JDP2: variants seen among roughly 807,000 people sequenced by gnomAD.
The protein encoded by JDP2 is progesterone receptor co-activator.
JDP2 carries 9 observed loss-of-function variants against 17.1 expected under a neutral mutation model. The observed-to-expected ratio is 0.53, with a 90% CI of 0.32 to 0.92. The LOEUF is 0.92. JDP2 is among the 40% of genes least tolerant of loss of function. JDP2 has a pLI of 0.04. For synonymous variants in JDP2, 107 were observed against 95.6 expected (o/e 1.12, Z -0.69); for missense variants, 179 against 220.0 (o/e 0.81, Z 1.18).
chr14:75,430,135 C>T lies in JDP2; in HGVS notation c.-24+1883C>T, dbSNP rs1427806469. Among the ~76,000 whole-genome samples the T allele has an allele frequency of 2.0e-5, 3 of 152,206 alleles. No individual in the cohort carries two copies. In the East Asian group the frequency reaches 5.8e-4, roughly 29 times the overall value. On this transcript the variant is annotated intron_variant, in intron 1 of 3. Transcript: ENST00000651602. This position sits in a 1 kb window ranked among gnomAD's most constrained non-coding sequence, Gnocchi z 4.5. ...CCTGGGTTTGTTGTCATCTCCCTAC[C>T]TGTTTGTAGGATGTGTGGGCATTTT... is the stretch of plus-strand genomic sequence containing the variant.
At chr14:75,437,285 C>CA (rs1566735813) in intron 1 of JDP2, among the ~76,000 whole-genome samples, 1 of 151,992 alleles carries the variant, frequency 6.6e-6, no homozygotes, top group East Asian at 1.9e-4. Context: ...TCATAGATAG[C>CA]ACACACACTC....
chr14:75,428,010 G>A (rs1349468407), upstream of JDP2: 1 of 150,012 alleles, frequency 6.7e-6, no homozygotes. The surrounding 1 kb of genome is among the most constrained non-coding windows in gnomAD (Gnocchi z 5.6). Context: ...CGGGGCTGAT[G>A]CAACCCGTCC....
chr14:75,463,378 A>T (rs193033225), intron 3 of JDP2, among the ~76,000 whole-genome samples: 6 of 152,326 alleles, frequency 3.9e-5, no homozygotes, highest in Non-Finnish European at 7.3e-5. Context: ...GCTTGGATGT[A>T]TTCATCCTTT....
At chr14:75,441,401 G>T (rs1015190687) in intron 2 of JDP2, among the ~76,000 whole-genome samples, 1 of 152,194 alleles carries the variant, frequency 6.6e-6, no homozygotes, top group African/African-American at 2.4e-5. Flanking sequence ...CTGCTTGCCT[G>T]CAGTCCCTTT....
At chr14:75,441,516 C>T (rs996483842) in intron 2 of JDP2, among the ~76,000 whole-genome samples, 7 of 152,086 alleles carry the variant, frequency 4.6e-5, no homozygotes, top group South Asian at 2.1e-4. Flanking sequence ...CTCTCGGCAC[C>T]GTATATTGCA....
chr14:75,473,401 CTG>C lies in JDP2; in HGVS notation c.*3929_*3930del, dbSNP rs1278481692. On this transcript the variant is annotated 3_prime_UTR_variant, in exon 4 of 4. Coordinates refer to ENST00000651602, the MANE Select transcript of JDP2 (RefSeq NM_001135048.2). ...ACTTAGATATGCTGCCAGTGAGAAA[CTG>C]TGCAAAGCAATTTGGAAATAACCAG... 6.6e-6 allele frequency: 1 copy of C among 152,144 alleles called. No homozygotes were observed. Among genetic ancestry groups the C allele is most frequent in the Non-Finnish European group, 1.5e-5 (1 of 68,032 alleles). 9.4% of individuals were successfully genotyped at this position (152,144 alleles called of 1,614,324 possible).
At chr14:75,436,425 T>C (rs1037154692) in intron 1 of JDP2, among the ~76,000 whole-genome samples, 2 of 152,244 alleles carry the variant, frequency 1.3e-5, no homozygotes, top group Non-Finnish European at 2.9e-5. Context: ...GATGGAAGGA[T>C]AGGCCAAAGA....
rs1325219391 is a variant in JDP2 at position 75,432,466 on chromosome 14, G to C, written c.-24+4214G>C. ...CCCAAGGTCCCCCACTTCTCTTGTT[G>C]AGTCTCAGTCGCCATTGCCCATGCC... is the stretch of plus-strand genomic sequence containing the variant. On this transcript the variant is annotated intron_variant, in intron 1 of 3. Coordinates refer to ENST00000651602, the MANE Select transcript of JDP2 (RefSeq NM_001135048.2). 3 of 860,042 alleles carry C rather than the reference G, an allele frequency of 3.5e-6. No homozygotes were observed. The African/African-American group carries it at 5.1e-5, about 15-fold the overall frequency. 53.3% of individuals were successfully genotyped at this position (860,042 alleles called of 1,614,324 possible).
intron 1 of JDP2, chr14:75,432,385 T>C: frequency 1.3e-6 from 2 of 1,531,058 alleles, no homozygotes; most frequent in Non-Finnish European, 1.8e-6. Context: ...ACCTTCTCTG[T>C]GGACTCCTGC....
chr14:75,463,900 A>G (rs550809689), intron 3 of JDP2, among the ~76,000 whole-genome samples: 45 of 152,254 alleles, frequency 3.0e-4, no homozygotes, highest in Non-Finnish European at 4.4e-4. Context: ...GATGAATTAT[A>G]TGGTCATGGA....
intron 2 of JDP2, among the ~76,000 whole-genome samples, chr14:75,455,007 G>T (rs1566744244): frequency 6.6e-6 from 1 of 152,150 alleles, no homozygotes; most frequent in East Asian, 1.9e-4. Context: ...CTTGGACCAG[G>T]CTGGAGGCAG....
intron 1 of JDP2, among the ~76,000 whole-genome samples, chr14:75,437,172 C>CAAA (rs11302124): frequency 1.5e-4 from 15 of 97,994 alleles, no homozygotes; most frequent in African/African-American, 5.4e-4. Context: ...CCAGCCTGGG[C>CAAA]AAAAAAAAAA....
At position 75,472,393 on chromosome 14, in the gene JDP2, T is replaced by C. The variant is rs559254627; in HGVS notation, c.*2918T>C. 25 of 152,342 alleles carry C rather than the reference T, an allele frequency of 1.6e-4. No individual in the cohort carries two copies. Among genetic ancestry groups the C allele is most frequent in the African/African-American group, 6.0e-4 (25 of 41,564 alleles). The allele number at this position is 152,342 out of a possible 1,614,324, so 9.4% of individuals were successfully genotyped here. On this transcript the variant is annotated 3_prime_UTR_variant, in exon 4 of 4. Transcript: ENST00000651602. ...CATGAGAGGAAAAATGTGTTTGTGG[T>C]GTGACCTCAGTTGCCAGGGAACTTG...
rs78076619 is a variant in JDP2 at position 75,469,587 on chromosome 14, A to T, written c.*112A>T. 1.2e-3 allele frequency: 1,073 copies of T among 911,818 alleles called. 11 individuals are homozygous for T. The African/African-American group carries it at 0.016, about 14-fold the overall frequency. 56.5% of individuals were successfully genotyped at this position (911,818 alleles called of 1,614,324 possible). ...TCCTTTGGTGCATGAAAAACTGTACAATGAGGTTCAGCACAGCCAGCATCA... is the reference window on the plus strand; with the variant it reads ...TCCTTTGGTGCATGAAAAACTGTACTATGAGGTTCAGCACAGCCAGCATCA... On this transcript the variant is annotated 3_prime_UTR_variant, in exon 4 of 4. Transcript: ENST00000651602.
chr14:75,464,502 A>G (rs1052862981), intron 3 of JDP2, among the ~76,000 whole-genome samples: 1 of 152,336 alleles, frequency 6.6e-6, no homozygotes. Context: ...TAACCTAGAG[A>G]TGATTTAAAG....
intron 2 of JDP2, among the ~76,000 whole-genome samples, chr14:75,441,777 C>T (rs7161736): frequency 0.019 from 2,870 of 152,280 alleles, 33 homozygotes; most frequent in Non-Finnish European, 0.029. Flanking sequence ...CCAGAGCTTT[C>T]CTTCCTTGAC....
intron 3 of JDP2, among the ~76,000 whole-genome samples, chr14:75,468,142 C>T (rs1274676715): frequency 6.6e-6 from 1 of 152,186 alleles, no homozygotes; most frequent in Non-Finnish European, 1.5e-5. Flanking sequence ...TACGCAGTTG[C>T]AACTACTGCT....
At chr14:75,445,997 C>A (rs550092879) in intron 2 of JDP2, among the ~76,000 whole-genome samples, 6 of 152,078 alleles carry the variant, frequency 3.9e-5, no homozygotes, top group Admixed American at 1.3e-4. Flanking sequence ...GGCAAAAGAT[C>A]TCAATATTAA....
intron 2 of JDP2, among the ~76,000 whole-genome samples, chr14:75,439,610 C>T (rs1216534961): frequency 6.6e-6 from 1 of 152,184 alleles, no homozygotes; most frequent in Non-Finnish European, 1.5e-5. Flanking sequence ...GCCATTTGTG[C>T]TCAAGACACG....
Sources: allele counts gnomAD v4.1 joint callset (sites outside exome capture counted in the v4.1 genomes callset), GRCh38; gene constraint gnomAD v4.1.1; non-coding constraint Gnocchi (gnomAD v3.1); transcripts MANE v1.5; gene names NCBI Gene and HGNC (gene_info 2026-07-23, HGNC 2026-07-21).